NAALADL2: variants seen among roughly 807,000 people sequenced by gnomAD.
The protein encoded by NAALADL2 is inactive N-acetylated-alpha-linked acidic dipeptidase-like protein 2.
Under a neutral mutation model 87.2 loss-of-function variants are expected in NAALADL2, and 76 were observed. The ratio of observed to expected loss-of-function variants is 0.87; its 90% confidence interval spans 0.72 to 1.05. NAALADL2 has a LOEUF of 1.05. Ranked by LOEUF, NAALADL2 falls within the 50% of genes least tolerant of loss-of-function variation. The probability of loss-of-function intolerance (pLI) is 0.00; values close to 1 mark genes in which losing one functional copy is unlikely to be tolerated. For missense variants in NAALADL2, 1,089 were observed against 945.8 expected, an observed-to-expected ratio of 1.15 and a Z score of -1.99; for synonymous variants, 354 against 331.0, an observed-to-expected ratio of 1.07 and a Z score of -0.75.
chr3:174,571,800 G>A (rs544140465), intron 2 of NAALADL2, among the ~76,000 whole-genome samples: 1 of 152,222 alleles, frequency 6.6e-6, no homozygotes, highest in South Asian at 2.1e-4. Context: ...AGCTGGGTGG[G>A]TAGGGAATGA....
chr3:174,664,127 C>T (rs1725754517), intron 2 of NAALADL2, among the ~76,000 whole-genome samples: 1 of 152,076 alleles, frequency 6.6e-6, no homozygotes, highest in Non-Finnish European at 1.5e-5. Context: ...ATTCTGCCAA[C>T]CCCTCTGCAA....
intron 4 of NAALADL2, among the ~76,000 whole-genome samples, chr3:175,314,461 A>T (rs1473070701): frequency 6.7e-6 from 1 of 149,592 alleles, no homozygotes; most frequent in African/African-American, 2.5e-5. Context: ...TTAATTATGT[A>T]TTTTTACAGA....
intron 1 of NAALADL2, among the ~76,000 whole-genome samples, chr3:174,949,013 T>C (rs1165829393): frequency 6.6e-6 from 1 of 152,164 alleles, no homozygotes; most frequent in East Asian, 1.9e-4. Flanking sequence ...TAGCCTCACA[T>C]GGCAGAAGAG....
intron 2 of NAALADL2, among the ~76,000 whole-genome samples, chr3:175,200,102 A>G (rs1210596199): frequency 3.3e-5 from 5 of 151,472 alleles, no homozygotes; most frequent in Admixed American, 6.6e-5. Context: ...AAATCCTGTC[A>G]CCATCAATTT....
At chr3:175,704,059 T>C (rs1310772487) in intron 11 of NAALADL2, among the ~76,000 whole-genome samples, 3 of 152,128 alleles carry the variant, frequency 2.0e-5, no homozygotes, top group African/African-American at 7.2e-5. Flanking sequence ...GACTAGTGGC[T>C]CTGCGAGGAA....
At chr3:175,227,990 T>A (rs1744402894) in intron 2 of NAALADL2, among the ~76,000 whole-genome samples, 1 of 151,986 alleles carries the variant, frequency 6.6e-6, no homozygotes, top group Non-Finnish European at 1.5e-5. Flanking sequence ...CTATTTGAAA[T>A]ATTGCCACTG....
intron 1 of NAALADL2, among the ~76,000 whole-genome samples, chr3:174,454,215 T>G (rs1715672135): frequency 6.6e-6 from 1 of 152,068 alleles, no homozygotes; most frequent in South Asian, 2.1e-4. Flanking sequence ...ATATATGCAC[T>G]CAACACAGGA....
intron 1 of NAALADL2, among the ~76,000 whole-genome samples, chr3:175,093,449 A>G (rs1469071803): frequency 7.6e-6 from 1 of 130,784 alleles, no homozygotes; most frequent in Non-Finnish European, 1.7e-5. Flanking sequence ...AAGTGAAGCA[A>G]ACAAAACTAT....
intron 4 of NAALADL2, among the ~76,000 whole-genome samples, chr3:175,270,409 AACTG>A (rs1436251932): frequency 3.9e-4 from 59 of 152,320 alleles, no homozygotes; most frequent in African/African-American, 1.4e-3. Flanking sequence ...TCTTCATCCA[AACTG>A]ACTGATTTTT....
intron 10 of NAALADL2, among the ~76,000 whole-genome samples, chr3:175,605,585 C>T (rs1385714647): frequency 1.3e-5 from 2 of 150,652 alleles, no homozygotes; most frequent in Admixed American, 6.6e-5. Context: ...ACTCTTCCTC[C>T]TTCCCCAGCC....
At chr3:174,772,264 T>C (rs1714666688) in intron 3 of NAALADL2, among the ~76,000 whole-genome samples, 1 of 152,136 alleles carries the variant, frequency 6.6e-6, no homozygotes, top group African/African-American at 2.4e-5. Flanking sequence ...TAAAAATATG[T>C]GTGTAGGGTT....
chr3:174,660,251 G>A (rs2108776440), intron 2 of NAALADL2, among the ~76,000 whole-genome samples: 1 of 152,214 alleles, frequency 6.6e-6, no homozygotes, highest in East Asian at 1.9e-4. Context: ...CTAGTCAGAT[G>A]CCTCAACTTT....
At chr3:175,737,523 G>A in intron 12 of NAALADL2, 124 bp downstream of exon 12, 2 of 629,810 alleles carry the variant, frequency 3.2e-6, no homozygotes, top group South Asian at 2.0e-5. Context: ...TCCTGGAGAG[G>A]CTGATCCTGG....
intron 13 of NAALADL2, among the ~76,000 whole-genome samples, chr3:175,785,845 G>A (rs1325293969): frequency 1.3e-5 from 2 of 150,400 alleles, no homozygotes; most frequent in African/African-American, 5.0e-5. Context: ...GCTGGTACCG[G>A]TTGTTCCTTT....
At position 175,687,744 on chromosome 3, in the gene NAALADL2, C is replaced by T. The variant is rs147504375; in HGVS notation, c.1897-49562C>T. Among the ~76,000 whole-genome samples the T allele has an allele frequency of 2.8e-3, 431 of 152,268 alleles. 5 individuals carry two copies. Among genetic ancestry groups the T allele is most frequent in the African/African-American group, 0.01 (424 of 41,558 alleles). On this transcript the variant is annotated intron_variant, in intron 11 of 13. Coordinates refer to ENST00000454872, the MANE Select transcript of NAALADL2 (RefSeq NM_207015.3). The stretch of plus-strand genomic sequence containing the variant: ...TTAGATTGTGGGAGTGGATCACTCA[C>T]GGCTTGGTGCCGTCCTTGTGATAGT...
chr3:175,606,149 T>TTAAAAA (rs1723704547), intron 10 of NAALADL2, among the ~76,000 whole-genome samples: 2 of 152,324 alleles, frequency 1.3e-5, no homozygotes, highest in African/African-American at 4.8e-5. Flanking sequence ...CAGAGGTTGT[T>TTAAAAA]GATCTATTTC....
intron 1 of NAALADL2, among the ~76,000 whole-genome samples, chr3:174,484,854 G>A (rs1023203129): frequency 4.8e-5 from 7 of 145,670 alleles, no homozygotes; most frequent in Admixed American, 1.4e-4. Flanking sequence ...AGTATTTGCT[G>A]ACGGATTTAA....
intron 1 of NAALADL2, among the ~76,000 whole-genome samples, chr3:174,899,095 A>G (rs577936458): frequency 6.6e-6 from 1 of 152,354 alleles, no homozygotes; most frequent in East Asian, 1.9e-4. Flanking sequence ...TTTACAAAAA[A>G]GATGCAAACT....
intron 9 of NAALADL2, among the ~76,000 whole-genome samples, chr3:175,550,288 T>A (rs1344088407): frequency 1.3e-5 from 2 of 152,060 alleles, no homozygotes; most frequent in Non-Finnish European, 2.9e-5. Flanking sequence ...CTAAATAAAC[T>A]GGTTCCACTA....
Sources: gnomAD v4.1 joint callset for allele counts (sites outside exome capture counted in the v4.1 genomes callset) on GRCh38, gnomAD v4.1.1 for gene constraint, MANE v1.5 for transcripts, NCBI Gene and HGNC (gene_info 2026-07-23, HGNC 2026-07-21) for gene names.